KDM6A: variants seen among roughly 807,000 people sequenced by gnomAD.
KDM6A encodes the protein lysine-specific demethylase 6A.
KDM6A carries 11 observed loss-of-function variants against 117.6 expected under a neutral mutation model. The observed-to-expected ratio is 0.09, with a 90% CI of 0.06 to 0.15. The LOEUF (loss-of-function observed/expected upper bound fraction) is 0.15. Among genes scored for constraint, KDM6A ranks in the 10% least tolerant of loss-of-function variants. The probability of loss-of-function intolerance (pLI) is 1.00; values close to 1 mark genes in which losing one functional copy is unlikely to be tolerated. For missense variants in KDM6A, 799 were observed against 1,077.3 expected (o/e 0.74, Z 3.62); for synonymous variants, 384 against 396.1 (o/e 0.97, Z 0.36).
chrX:44,915,285 G>A (rs966010926), intron 2 of KDM6A, among the ~76,000 whole-genome samples: 4 of 112,046 alleles, frequency 3.6e-5, no homozygotes, highest in African/African-American at 1.3e-4. Flanking sequence ...TTTGGAAAAT[G>A]TAGGTATTGT....
intron 4 of KDM6A, among the ~76,000 whole-genome samples, chrX:45,000,946 G>A (rs1283156538): frequency 8.8e-6 from 1 of 113,177 alleles, no homozygotes; most frequent in East Asian, 2.8e-4. Flanking sequence ...AATTGCTTTT[G>A]TTCAACCTGT....
At chrX:44,965,491 A>G (rs1260843378) in intron 3 of KDM6A, among the ~76,000 whole-genome samples, 3 of 111,708 alleles carry the variant, frequency 2.7e-5, no homozygotes, top group African/African-American at 9.8e-5. Context: ...CTAAGAGGTC[A>G]TCGTAGGGTT....
chrX:45,108,871 A>C (rs1189713778), intron 28 of KDM6A, among the ~76,000 whole-genome samples: 1 of 100,803 alleles, frequency 9.9e-6, no homozygotes, highest in Non-Finnish European at 2.0e-5. Flanking sequence ...TCGCAAGAAC[A>C]AAAAACCAAA....
chrX:45,051,666 G>T, intron 8 of KDM6A, 43 bp from the exon 9 acceptor site: 1 of 774,038 alleles, frequency 1.3e-6, no homozygotes, highest in Non-Finnish European at 2.0e-6. Flanking sequence ...GTTCCTTAAA[G>T]ATTATGTTAA....
At chrX:45,078,947 G>A (rs2045264972) in intron 20 of KDM6A, among the ~76,000 whole-genome samples, 199 bp from the exon 21 acceptor site, 1 of 110,352 alleles carries the variant, frequency 9.1e-6, no homozygotes, top group South Asian at 3.9e-4. Flanking sequence ...GGATGACATA[G>A]CAGTTAGATT....
chrX:44,897,155 T>C (rs1450980906), intron 2 of KDM6A, among the ~76,000 whole-genome samples: 1 of 106,044 alleles, frequency 9.4e-6, no homozygotes, highest in Non-Finnish European at 1.9e-5. Flanking sequence ...TTTTTTTTTT[T>C]AGTCTGTTTT....
In KDM6A at chrX:44,983,627, T is replaced by C. The variant is rs754653235; in HGVS notation, c.384+8912T>C. Among the ~76,000 whole-genome samples the C allele has an allele frequency of 2.7e-4, 27 of 101,157 alleles. No homozygotes were observed. In the East Asian group the frequency reaches 5.7e-3, roughly 21 times the overall value. 87.8% of individuals were successfully genotyped at this position (101,157 alleles called of 115,157 possible). A position where few individuals can be genotyped will look rare whatever the true frequency, so the allele number is the denominator to read the frequency against. On this transcript the variant is annotated intron_variant, in intron 4 of 29. Coordinates refer to ENST00000611820, the MANE Select transcript of KDM6A (RefSeq NM_001291415.2). ...CCCTTCCTGTGTCCATGTATTCTCA[T>C]TGTTCAATTCCCACCTATGAGTGAG...
At chrX:44,890,144 T>A (rs1248501630) in intron 2 of KDM6A, among the ~76,000 whole-genome samples, 1 of 112,492 alleles carries the variant, frequency 8.9e-6, no homozygotes. Context: ...TTCTGTCATT[T>A]CAGGAATGTT....
intron 3 of KDM6A, among the ~76,000 whole-genome samples, chrX:44,963,473 G>GTGTGTCTGTGTGTC (rs1556012261): frequency 2.8e-5 from 1 of 35,700 alleles, no homozygotes; most frequent in African/African-American, 6.5e-5. Flanking sequence ...GTGTGTGTGT[G>GTGTGTCTGTGTGTC]TGTGTGTGTG....
At chrX:45,071,537 G>A (rs1569536089) in intron 18 of KDM6A, among the ~76,000 whole-genome samples, 1 of 111,632 alleles carries the variant, frequency 9.0e-6, no homozygotes, top group South Asian at 3.7e-4. Context: ...AATGATTGAG[G>A]TGAAATTAAA....
In KDM6A at chrX:45,090,894, C is replaced by G. The variant is rs1329759590; in HGVS notation, c.4034+30C>G. 6.7e-6 allele frequency: 8 copies of G among 1,198,922 alleles called. No individual in the cohort carries two copies. The East Asian group carries it at 2.4e-4, about 36-fold the overall frequency. On this transcript the variant is annotated intron_variant, in intron 27 of 29. Coordinates refer to ENST00000611820, the MANE Select transcript of KDM6A (RefSeq NM_001291415.2). ...GTCTTTTCTAAAACTGCTGTAGTCC[C>G]TCTCTTTTTGGGGAGTGTTAACTAT...
At chrX:45,006,590 G>T (rs1162088332) in intron 4 of KDM6A, among the ~76,000 whole-genome samples, 1 of 110,340 alleles carries the variant, frequency 9.1e-6, no homozygotes, top group South Asian at 3.9e-4. Context: ...AGAGAGTGAC[G>T]GGGTGAGTGG....
intron 2 of KDM6A, among the ~76,000 whole-genome samples, chrX:44,954,141 A>G (rs777961653): frequency 9.1e-6 from 1 of 109,689 alleles, no homozygotes; most frequent in African/African-American, 3.3e-5. Context: ...TAATGTGTTG[A>G]CGTTTCAAAA....
At chrX:44,962,214 G>A (rs1416175666) in intron 3 of KDM6A, among the ~76,000 whole-genome samples, 1 of 111,919 alleles carries the variant, frequency 8.9e-6, no homozygotes, top group Non-Finnish European at 1.9e-5. Context: ...TCATATTGAT[G>A]TTTTATTATG....
intron 17 of KDM6A, among the ~76,000 whole-genome samples, chrX:45,065,405 G>A (rs781384827): frequency 8.9e-6 from 1 of 112,028 alleles, no homozygotes; most frequent in African/African-American, 3.2e-5. Context: ...CCAGGAAACC[G>A]TAGGGGGATT....
chrX:44,913,408 C>A (rs1302496197), intron 2 of KDM6A, among the ~76,000 whole-genome samples: 3 of 106,049 alleles, frequency 2.8e-5, no homozygotes, highest in Non-Finnish European at 5.8e-5. Flanking sequence ...GAGCGATTCT[C>A]CTGTCTCAGC....
At chrX:45,081,006 C>T (rs1372209374) in intron 21 of KDM6A, among the ~76,000 whole-genome samples, 1 of 112,191 alleles carries the variant, frequency 8.9e-6, no homozygotes, top group Non-Finnish European at 1.9e-5. Flanking sequence ...GATCTCGGCT[C>T]ACTGCAACCT....
chrX:45,018,547 G>A (rs1229558372), intron 5 of KDM6A, among the ~76,000 whole-genome samples: 1 of 111,494 alleles, frequency 9.0e-6, no homozygotes, highest in Non-Finnish European at 1.9e-5. Context: ...AGGCACCCAT[G>A]GAGTAAAACA....
chrX:44,972,442 C>T (rs1012673778), intron 3 of KDM6A, among the ~76,000 whole-genome samples: 4 of 110,261 alleles, frequency 3.6e-5, no homozygotes, highest in African/African-American at 1.3e-4. Context: ...AACAAGATAC[C>T]GTTTATCTTT....
Sources: allele counts gnomAD v4.1 joint callset (sites outside exome capture counted in the v4.1 genomes callset), GRCh38; gene constraint gnomAD v4.1.1; transcripts MANE v1.5; gene names NCBI Gene and HGNC (gene_info 2026-07-23, HGNC 2026-07-21).